Variants in SUGT1 observed in about 807,000 individuals in gnomAD.
SUGT1 encodes protein SGT1 homolog.
A neutral mutation model predicts 56.1 loss-of-function variants in SUGT1; 15 were observed. The ratio of observed to expected loss-of-function variants is 0.27; its 90% confidence interval spans 0.18 to 0.41. The LOEUF (loss-of-function observed/expected upper bound fraction) is 0.41, where lower values mean the gene tolerates loss of function less well. SUGT1 is among the 10% of genes least tolerant of loss of function. The probability of loss-of-function intolerance (pLI) is 1.00; values close to 1 mark genes in which losing one functional copy is unlikely to be tolerated. For synonymous variants in SUGT1, 123 were observed against 128.6 expected (o/e 0.96, Z 0.30); for missense variants, 347 against 382.2 (o/e 0.91, Z 0.77).
intron 10 of SUGT1, among the ~76,000 whole-genome samples, chr13:52,675,366 G>A (rs1963102731): frequency 2.0e-5 from 3 of 152,170 alleles, no homozygotes; most frequent in Admixed American, 6.5e-5. Flanking sequence ...TTGAGGCCAG[G>A]AGTCTGAGAC....
rs528791155 is a variant in SUGT1 at position 52,686,565 on chromosome 13, A to G, written c.901-1169A>G. Among the ~76,000 whole-genome samples, 3 of 152,302 alleles carry G rather than the reference A, an allele frequency of 2.0e-5. No homozygotes were observed. The East Asian group carries it at 5.8e-4, about 29-fold the overall frequency. On this transcript the variant is annotated intron_variant, in intron 12 of 12. Transcript: ENST00000310528. Reference sequence around the variant, plus strand: ...TGTTTGGAAGATGACTAAGGACACAAAAATCTCTGCCATGCAAAAAAGCCC... The same window carrying G: ...TGTTTGGAAGATGACTAAGGACACAGAAATCTCTGCCATGCAAAAAAGCCC...
At chr13:52,659,964 G>T (rs539492885) in intron 5 of SUGT1, among the ~76,000 whole-genome samples, 1 of 150,680 alleles carries the variant, frequency 6.6e-6, no homozygotes, top group Admixed American at 6.6e-5. Context: ...GAGTAGCTGG[G>T]ACTACAGGCG....
At chr13:52,658,324 A>G in intron 3 of SUGT1, 75 bp from the exon 4 acceptor site, 2 of 1,589,312 alleles carry the variant, frequency 1.3e-6, no homozygotes, top group Non-Finnish European at 1.7e-6. Context: ...TAGAAATCTA[A>G]AACTGATTCA....
At chr13:52,681,666 G>T (rs1350891898) in intron 12 of SUGT1, among the ~76,000 whole-genome samples, 2 of 151,970 alleles carry the variant, frequency 1.3e-5, no homozygotes, top group Non-Finnish European at 2.9e-5. Context: ...AATATGGTAA[G>T]TTCTGGTCTC....
At chr13:52,659,158 G>T (rs1189091167) in intron 4 of SUGT1, 21 bp from the exon 5 acceptor site, 3 of 1,516,494 alleles carry the variant, frequency 2.0e-6, no homozygotes, top group Non-Finnish European at 2.6e-6. Context: ...GTCTTAATTT[G>T]TTTTAAATAT....
intron 5 of SUGT1, among the ~76,000 whole-genome samples, chr13:52,662,024 ATTTG>A (rs1166801579): frequency 6.6e-6 from 1 of 152,172 alleles, no homozygotes; most frequent in Non-Finnish European, 1.5e-5. Context: ...GAAGTGAATA[ATTTG>A]TTTATGCATA....
chr13:52,684,399 T>G (rs947883498), intron 12 of SUGT1, among the ~76,000 whole-genome samples: 8 of 113,524 alleles, frequency 7.0e-5, no homozygotes, highest in African/African-American at 2.6e-4. Flanking sequence ...GCTCTTTGTT[T>G]CGTTTTTTCC....
At chr13:52,658,128 C>T in intron 3 of SUGT1, 1 of 1,349,558 alleles carries the variant, frequency 7.4e-7, no homozygotes, top group Non-Finnish European at 9.6e-7. Flanking sequence ...AGTAAAATTA[C>T]ATAGAAAATG....
intron 7 of SUGT1, among the ~76,000 whole-genome samples, chr13:52,663,768 G>T (rs1248596814): frequency 6.6e-6 from 1 of 152,088 alleles, no homozygotes; most frequent in African/African-American, 2.4e-5. Flanking sequence ...GTTATTTAAA[G>T]TTCTGTTATT....
At chr13:52,683,559 T>C (rs544264071) in intron 12 of SUGT1, among the ~76,000 whole-genome samples, 56 of 152,326 alleles carry the variant, frequency 3.7e-4, no homozygotes, top group Non-Finnish European at 7.1e-4. Context: ...TAATTTTCTT[T>C]TTGTGCTATC....
intron 12 of SUGT1, among the ~76,000 whole-genome samples, chr13:52,684,593 C>T (rs905840687): frequency 2.0e-5 from 3 of 152,052 alleles, no homozygotes; most frequent in African/African-American, 7.2e-5. Context: ...GAGGGGAGTG[C>T]AGTGGTGCGA....
intron 11 of SUGT1, among the ~76,000 whole-genome samples, chr13:52,677,270 T>C (rs1165650205): frequency 6.6e-6 from 1 of 152,186 alleles, no homozygotes; most frequent in African/African-American, 2.4e-5. Flanking sequence ...GATTCTCATA[T>C]AGCTTTCACC....
In SUGT1 at chr13:52,699,782, A is replaced by C. The variant is rs571279793; in HGVS notation, c.*11947A>C. ...CTGAAAAGAAAATTCTTAGCAATTC[A>C]TACCTTAGAAGGAACCCTGAAGGAC... is the stretch of plus-strand genomic sequence containing the variant. On this transcript the variant is annotated 3_prime_UTR_variant, in exon 13 of 13. Transcript: ENST00000310528. The C allele has an allele frequency of 1.1e-4, 16 of 152,326 alleles. 1 individual carries two copies. The East Asian group carries it at 2.9e-3, about 28-fold the overall frequency. 9.4% of individuals were successfully genotyped at this position (152,326 alleles called of 1,614,324 possible).
In SUGT1 at chr13:52,657,672, C is replaced by G. The variant is rs1182963532; in HGVS notation, c.187+50C>G. 2.0e-6 allele frequency: 3 copies of G among 1,499,686 alleles called. No homozygotes were observed. In the Admixed American group the frequency reaches 5.8e-5, roughly 29 times the overall value. The allele number at this position is 1,499,686 out of a possible 1,614,324, so 92.9% of individuals were successfully genotyped here. On this transcript the variant is annotated intron_variant, in intron 3 of 12. Transcript: ENST00000310528. ...GCCCCCTTTTAATAAGTTACTTATA[C>G]ATTTTACCCATGACAAATTAAAAGT...
intron 12 of SUGT1, among the ~76,000 whole-genome samples, chr13:52,683,550 A>G (rs531926848): frequency 1.3e-5 from 2 of 152,296 alleles, no homozygotes; most frequent in Admixed American, 1.3e-4. Context: ...ATATGAGTCT[A>G]ATTTTCTTTT....
At chr13:52,668,756 C>T (rs562858790) in intron 10 of SUGT1, among the ~76,000 whole-genome samples, 3 of 149,762 alleles carry the variant, frequency 2.0e-5, no homozygotes, top group African/African-American at 4.9e-5. Context: ...ATATGTCTAT[C>T]GAGATTGCTA....
At chr13:52,679,620 T>C (rs903179285) in intron 11 of SUGT1, among the ~76,000 whole-genome samples, 1 of 152,210 alleles carries the variant, frequency 6.6e-6, no homozygotes, top group African/African-American at 2.4e-5. Flanking sequence ...GTACTGTCTC[T>C]GCAACTTTTC....
chr13:52,662,081 G>A (rs1207488838), intron 5 of SUGT1, among the ~76,000 whole-genome samples: 1 of 152,110 alleles, frequency 6.6e-6, no homozygotes, highest in African/African-American at 2.4e-5. Flanking sequence ...ATCACCTATA[G>A]CCTCTCGACT....
chr13:52,661,554 A>G (rs564212017), intron 5 of SUGT1: 20 of 403,758 alleles, frequency 5.0e-5, no homozygotes, highest in South Asian at 2.9e-4. Context: ...TGGACTCCCA[A>G]AGTGCTGGGA....
Sources: allele counts gnomAD v4.1 joint callset (sites outside exome capture counted in the v4.1 genomes callset), GRCh38; gene constraint gnomAD v4.1.1; transcripts MANE v1.5; gene names NCBI Gene and HGNC (gene_info 2026-07-23, HGNC 2026-07-21).